The following SRPK2 variants were observed in gnomAD, a reference collection of about 807,000 sequenced individuals.
SRPK2 encodes SFRS protein kinase 2.
A neutral mutation model predicts 90.8 loss-of-function variants in SRPK2; 21 were observed. The ratio of observed to expected loss-of-function variants is 0.23; its 90% CI spans 0.16 to 0.33. SRPK2 has a LOEUF of 0.33. Ranked by LOEUF, SRPK2 falls within the 10% of genes least tolerant of loss-of-function variation. The pLI is 1.00. For missense variants in SRPK2, 620 were observed against 869.0 expected, an observed-to-expected ratio of 0.71 and a Z score of 3.60; for synonymous variants, 288 against 311.1, an observed-to-expected ratio of 0.93 and a Z score of 0.78.
intron 2 of SRPK2, among the ~76,000 whole-genome samples, chr7:105,243,193 G>A (rs957913425): frequency 2.0e-5 from 3 of 151,954 alleles, no homozygotes; most frequent in African/African-American, 4.8e-5. Context: ...GGGTAGATAA[G>A]GGGAATCCCT....
At chr7:105,305,597 G>A (rs1811059879) in intron 2 of SRPK2, among the ~76,000 whole-genome samples, 1 of 152,122 alleles carries the variant, frequency 6.6e-6, no homozygotes, top group Admixed American at 6.5e-5. Context: ...TAATTTTGGG[G>A]AGAGTCAGTG....
chr7:105,119,654 C>T (rs530381727), intron 15 of SRPK2, among the ~76,000 whole-genome samples: 11 of 152,064 alleles, frequency 7.2e-5, no homozygotes, highest in Admixed American at 1.3e-4. Flanking sequence ...ATATTAGAGG[C>T]GGGAAAGGAT....
chr7:105,216,956 T>C (rs1484357245), intron 2 of SRPK2, among the ~76,000 whole-genome samples: 1 of 152,216 alleles, frequency 6.6e-6, no homozygotes, highest in Non-Finnish European at 1.5e-5. Flanking sequence ...ACTGTGTACA[T>C]GGTAGGCATT....
At chr7:105,217,782 CAGAT>C (rs1797640752) in intron 2 of SRPK2, among the ~76,000 whole-genome samples, 1 of 152,134 alleles carries the variant, frequency 6.6e-6, no homozygotes, top group South Asian at 2.1e-4. Context: ...AGGAATCTAA[CAGAT>C]AGATCAGATA....
chr7:105,196,611 T>C (rs1337319167), intron 3 of SRPK2, among the ~76,000 whole-genome samples: 1 of 152,096 alleles, frequency 6.6e-6, no homozygotes, highest in Non-Finnish European at 1.5e-5. Flanking sequence ...CTCCCAGGGG[T>C]CAAAACCGCA....
chr7:105,260,592 A>C (rs1804084816), intron 2 of SRPK2, among the ~76,000 whole-genome samples: 1 of 152,246 alleles, frequency 6.6e-6, no homozygotes, highest in Admixed American at 6.5e-5. Flanking sequence ...ACCTATGTTT[A>C]TTGTGGCACT....
intron 6 of SRPK2, among the ~76,000 whole-genome samples, chr7:105,165,153 G>C (rs1789871027): frequency 6.6e-6 from 1 of 152,068 alleles, no homozygotes; most frequent in Non-Finnish European, 1.5e-5. Context: ...CTTCTCCCTG[G>C]AGCTACCCTT....
At chr7:105,308,816 G>T (rs1811404988) in intron 2 of SRPK2, among the ~76,000 whole-genome samples, 1 of 152,222 alleles carries the variant, frequency 6.6e-6, no homozygotes, top group East Asian at 1.9e-4. Context: ...TAAGTACTTA[G>T]ATTACTTAAA....
chr7:105,397,739 G>A (rs1025520013), intron 1 of SRPK2, among the ~76,000 whole-genome samples: 2 of 151,948 alleles, frequency 1.3e-5, no homozygotes, highest in Admixed American at 1.3e-4. Context: ...CGCCTCATGG[G>A]TTCAAGAGAT....
intron 2 of SRPK2, among the ~76,000 whole-genome samples, chr7:105,331,376 C>T (rs2040913): frequency 0.2 from 27,411 of 138,536 alleles, 3,357 homozygotes; most frequent in East Asian, 0.65. Context: ...TCATATTTCA[C>T]ACTATATTCA....
At position 105,151,201 on chromosome 7, in the gene SRPK2, TTAGTTAAGA is replaced by T. The variant is rs1805594698; in HGVS notation, c.622-4552_622-4544del. On this transcript the variant is annotated intron_variant, in intron 7 of 15. Transcript: ENST00000393651. Reference sequence around the variant, plus strand: ...TACTTTGCCACTGGGACAAATAAAGTTAGTTAAGATAATTGAAACCATTAAAGGAAATGG... The same window carrying T: ...TACTTTGCCACTGGGACAAATAAAGTTAATTGAAACCATTAAAGGAAATGG... 2.0e-5 allele frequency among the ~76,000 whole-genome samples: 3 copies of T among 152,056 alleles called. 1 individual carries two copies. In the South Asian group the frequency reaches 6.2e-4, roughly 31 times the overall value.
chr7:105,348,721 C>G (rs570979890), intron 2 of SRPK2, among the ~76,000 whole-genome samples: 1 of 151,862 alleles, frequency 6.6e-6, no homozygotes, highest in East Asian at 2.0e-4. Flanking sequence ...CCATGCCCAG[C>G]TGCATTTGAA....
intron 2 of SRPK2, among the ~76,000 whole-genome samples, chr7:105,351,978 C>G (rs1817250297): frequency 7.3e-6 from 1 of 137,494 alleles, no homozygotes; most frequent in Non-Finnish European, 1.6e-5. Flanking sequence ...AGTAAACAGA[C>G]TAAGACACCC....
intron 2 of SRPK2, among the ~76,000 whole-genome samples, chr7:105,366,393 G>T (rs1403017141): frequency 1.5e-4 from 19 of 130,306 alleles, no homozygotes; most frequent in African/African-American, 2.0e-4. Context: ...TTTTTGAGAC[G>T]GAGTGTCACC....
intron 3 of SRPK2, among the ~76,000 whole-genome samples, chr7:105,184,123 G>T (rs1434142066): frequency 6.6e-6 from 1 of 151,592 alleles, no homozygotes; most frequent in Admixed American, 6.6e-5. Flanking sequence ...GTACAGGAAT[G>T]TGCCACCACA....
chr7:105,121,623 T>G (rs1375649023), intron 15 of SRPK2, among the ~76,000 whole-genome samples: 1 of 152,130 alleles, frequency 6.6e-6, no homozygotes, highest in African/African-American at 2.4e-5. Flanking sequence ...AAGAGCCCCT[T>G]AGGCTTCTGA....
intron 2 of SRPK2, chr7:105,268,678 T>C: frequency 9.3e-7 from 1 of 1,078,186 alleles, no homozygotes; most frequent in South Asian, 1.8e-5. Context: ...ACATCTTCAA[T>C]ACAGCACAAT....
chr7:105,135,182 T>C (rs1022018557), intron 11 of SRPK2, among the ~76,000 whole-genome samples: 19 of 152,190 alleles, frequency 1.2e-4, no homozygotes, highest in African/African-American at 4.1e-4. Context: ...GTTTGAAAAA[T>C]TGGATTCAAA....
intron 2 of SRPK2, among the ~76,000 whole-genome samples, chr7:105,313,340 G>A (rs575589880): frequency 1.7e-4 from 26 of 151,548 alleles, no homozygotes; most frequent in South Asian, 6.2e-4. Flanking sequence ...CCAGCTACTC[G>A]GGCAGCTGAG....
Sources: gnomAD v4.1 joint callset for allele counts (sites outside exome capture counted in the v4.1 genomes callset) on GRCh38, gnomAD v4.1.1 for gene constraint, MANE v1.5 for transcripts, NCBI Gene and HGNC (gene_info 2026-07-23, HGNC 2026-07-21) for gene names.